Variants in PTPDC1 observed in about 807,000 individuals in gnomAD.
PTPDC1 encodes protein tyrosine phosphatase domain containing 1.
PTPDC1 carries 53 observed loss-of-function variants against 75.3 expected under a neutral mutation model. The observed-to-expected ratio is 0.70, with a 90% CI of 0.56 to 0.88. The LOEUF (loss-of-function observed/expected upper bound fraction) is 0.88. PTPDC1 is among the 40% of genes least tolerant of loss of function. The pLI, the probability that PTPDC1 is intolerant of heterozygous loss-of-function variation, is 0.00. For synonymous variants in PTPDC1, 349 were observed against 366.2 expected, an observed-to-expected ratio of 0.95 and a Z score of 0.54; for missense variants, 925 against 998.6, an observed-to-expected ratio of 0.93 and a Z score of 0.99.
Position 94,033,680 on chromosome 9 carries a change from G to GT in PTPDC1, c.-7+2560dup, listed in dbSNP as rs201707121. 1.1e-3 allele frequency among the ~76,000 whole-genome samples: 175 copies of GT among 152,186 alleles called. 1 individual carries two copies. In the East Asian group the frequency reaches 0.03, roughly 26 times the overall value. On this transcript the variant is annotated intron_variant, in intron 1 of 9. Transcript: ENST00000375360. ...GCACAACTATTTTCTATTAATATTA[G>GT]TTTTTTTCCTCTCTCACTCTCTTTA...
chr9:94,103,220 G>A (rs1827907463), intron 7 of PTPDC1, among the ~76,000 whole-genome samples: 1 of 152,200 alleles, frequency 6.6e-6, no homozygotes, highest in Non-Finnish European at 1.5e-5. Context: ...TATTTTCTCA[G>A]CAATTAAATC....
intron 4 of PTPDC1, among the ~76,000 whole-genome samples, chr9:94,090,278 A>G (rs1168586989): frequency 2.8e-5 from 3 of 105,368 alleles, no homozygotes; most frequent in Non-Finnish European, 5.5e-5. Flanking sequence ...GAAGGGATCC[A>G]GTTTCAGCTT....
chr9:94,045,016 T>C (rs1431490921), intron 1 of PTPDC1, among the ~76,000 whole-genome samples: 2 of 110,578 alleles, frequency 1.8e-5, no homozygotes, highest in Admixed American at 2.4e-4. Flanking sequence ...ACAACAGTTC[T>C]CGGTGTGTGA....
At chr9:94,091,738 T>C (rs1827328748) in intron 4 of PTPDC1, among the ~76,000 whole-genome samples, 1 of 152,232 alleles carries the variant, frequency 6.6e-6, no homozygotes, top group South Asian at 2.1e-4. Context: ...TGGTAAGCTA[T>C]TGATTATTGC....
chr9:94,051,738 T>C (rs1382298303), intron 1 of PTPDC1, among the ~76,000 whole-genome samples: 1 of 152,226 alleles, frequency 6.6e-6, no homozygotes, highest in African/African-American at 2.4e-5. Flanking sequence ...ATATAATTAA[T>C]CACATTTATA....
At chr9:94,061,615 C>G (rs1364233177) in intron 1 of PTPDC1, among the ~76,000 whole-genome samples, 1 of 152,254 alleles carries the variant, frequency 6.6e-6, no homozygotes, top group Non-Finnish European at 1.5e-5. Context: ...CTCTTGCATT[C>G]TGTGCACCTG....
At chr9:94,107,307 C>T (rs1340151621) in intron 8 of PTPDC1, among the ~76,000 whole-genome samples, 1 of 152,156 alleles carries the variant, frequency 6.6e-6, no homozygotes, top group East Asian at 1.9e-4. Context: ...ATACGCTATC[C>T]TATGAAGGTG....
chr9:94,074,932 A>G (rs1826635208), intron 2 of PTPDC1, among the ~76,000 whole-genome samples: 1 of 152,160 alleles, frequency 6.6e-6, no homozygotes, highest in African/African-American at 2.4e-5. Context: ...AGTGTCCTTG[A>G]TGATGGATGA....
chr9:94,036,558 G>A (rs986311780), intron 1 of PTPDC1, among the ~76,000 whole-genome samples: 2 of 152,070 alleles, frequency 1.3e-5, no homozygotes, highest in African/African-American at 4.8e-5. Flanking sequence ...TAACCATTGT[G>A]TTCTTGGATG....
chr9:94,058,858 G>A (rs1208073212), intron 1 of PTPDC1, among the ~76,000 whole-genome samples: 2 of 152,088 alleles, frequency 1.3e-5, no homozygotes, highest in Non-Finnish European at 2.9e-5. Context: ...GGGCATGGTA[G>A]CACATGCCTG....
In PTPDC1 at chr9:94,108,939, T is replaced by C. The variant is rs1347814319; in HGVS notation, c.*995T>C. The stretch of plus-strand genomic sequence containing the variant: ...AAAACTGGGCCACTGTTTGTACTGA[T>C]GGTGTATTAGCATGAGCAGCGTGGC... On this transcript the variant is annotated 3_prime_UTR_variant, in exon 9 of 9. Coordinates refer to ENST00000620992, the MANE Select transcript of PTPDC1 (RefSeq NM_001253829.2). The C allele has an allele frequency of 6.6e-6, 1 of 152,372 alleles. No individual in the cohort carries two copies. Among genetic ancestry groups the C allele is most frequent in the Non-Finnish European group, 1.5e-5 (1 of 68,158 alleles). 9.4% of individuals were successfully genotyped at this position (152,372 alleles called of 1,614,324 possible). A position where few individuals can be genotyped will look rare whatever the true frequency, so the allele number is the denominator to read the frequency against.
chr9:94,052,359 T>G (rs562814219), intron 1 of PTPDC1, among the ~76,000 whole-genome samples: 23 of 152,306 alleles, frequency 1.5e-4, no homozygotes, highest in African/African-American at 5.5e-4. Context: ...CTTTTACATT[T>G]GTTCAGGTGT....
chr9:94,069,710 T>C (rs964813669), intron 2 of PTPDC1, among the ~76,000 whole-genome samples: 14 of 151,740 alleles, frequency 9.2e-5, no homozygotes, highest in Non-Finnish European at 1.5e-4. Context: ...AGACGGGGTT[T>C]CACCATGTTG....
chr9:94,076,504 A>T (rs1289577594), intron 2 of PTPDC1, among the ~76,000 whole-genome samples: 2 of 152,160 alleles, frequency 1.3e-5, no homozygotes, highest in Non-Finnish European at 2.9e-5. Flanking sequence ...TCCATGTTGT[A>T]GCATGCGTCA....
rs1258860738 is a variant in PTPDC1 at position 94,031,128 on chromosome 9, G to A, written c.-7+1G>A. 3 of 152,238 alleles carry A rather than the reference G, an allele frequency of 2.0e-5. No individual in the cohort carries two copies. Among genetic ancestry groups the A allele is most frequent in the Non-Finnish European group, 2.9e-5 (2 of 68,034 alleles). 9.4% of individuals were successfully genotyped at this position (152,238 alleles called of 1,614,324 possible). A position where few individuals can be genotyped will look rare whatever the true frequency, so the allele number is the denominator to read the frequency against. On this transcript the variant is annotated splice_donor_variant, in intron 1 of 9. Coordinates refer to the PTPDC1 transcript ENST00000375360. LOFTEE classifies it low-confidence loss of function (5UTR_SPLICE). The stretch of plus-strand genomic sequence containing the variant: ...GGCTTGGAATCTCGAGCGGGAAAAG[G>A]TTCGGAATTCGCAGCTAGTTTAGCC...
intron 1 of PTPDC1, among the ~76,000 whole-genome samples, chr9:94,056,509 C>T (rs150834347): frequency 3.0e-4 from 45 of 152,258 alleles, no homozygotes; most frequent in African/African-American, 1.0e-3. Flanking sequence ...AAGCACCCTG[C>T]GTAATCCTGG....
At chr9:94,069,560 T>G (rs10821290) in intron 2 of PTPDC1, among the ~76,000 whole-genome samples, 92,424 of 146,472 alleles carry the variant, frequency 0.63, 30,654 homozygotes, top group African/African-American at 0.84. Context: ...TCGCTCTGTT[T>G]CCCAGGCTGG....
At chr9:94,071,004 G>C (rs749272744) in intron 2 of PTPDC1, among the ~76,000 whole-genome samples, 15 of 151,942 alleles carry the variant, frequency 9.9e-5, no homozygotes, top group Non-Finnish European at 2.1e-4. Context: ...GTGTAGATGG[G>C]TTTTTATTAC....
Position 94,098,358 on chromosome 9 carries a change from A to G in PTPDC1, c.1792A>G (p.Thr598Ala). 6 of 1,614,218 alleles carry G rather than the reference A, an allele frequency of 3.7e-6. No individual in the cohort carries two copies. Among genetic ancestry groups the G allele is most frequent in the South Asian group, 1.1e-5 (1 of 91,082 alleles). ...SPGSVRQNSR[T>A]PRSPLDCGSS... Reference sequence around the variant, plus strand: ...TGGCTCTGTCAGGCAGAACAGCAGGACACCCCGAAGCCCTCTGGACTGTGG... The same window carrying G: ...TGGCTCTGTCAGGCAGAACAGCAGGGCACCCCGAAGCCCTCTGGACTGTGG... The change falls in exon 6 of 9, where the codon ACA becomes GCA. Residue 598 changes from threonine (T) to alanine (A), a missense_variant. Transcript: ENST00000620992.
Sources: gnomAD v4.1 joint callset for allele counts (sites outside exome capture counted in the v4.1 genomes callset) on GRCh38, gnomAD v4.1.1 for gene constraint, MANE v1.5 for transcripts, NCBI Gene and HGNC (gene_info 2026-07-23, HGNC 2026-07-21) for gene names.